The following CCNY variants were observed in gnomAD, a reference collection of about 807,000 sequenced individuals.
CCNY encodes cyclin-Y.
Under a neutral mutation model 42.8 loss-of-function variants are expected in CCNY, and 19 were observed. That is an observed-to-expected ratio of 0.44 (90% CI 0.31 to 0.65). CCNY has a LOEUF of 0.65. Among genes scored for constraint, CCNY ranks in the 30% least tolerant of loss-of-function variants. CCNY has a pLI of 0.07. For synonymous variants in CCNY, 165 were observed against 162.7 expected, an observed-to-expected ratio of 1.01 and a Z score of -0.11; for missense variants, 370 against 437.3, an observed-to-expected ratio of 0.85 and a Z score of 1.37.
intron 1 of CCNY, among the ~76,000 whole-genome samples, chr10:35,337,668 C>G (rs1204028620): frequency 6.6e-6 from 1 of 152,180 alleles, no homozygotes. Flanking sequence ...AGTTGGAGAA[C>G]CATGTTGAGT....
intron 3 of CCNY, among the ~76,000 whole-genome samples, chr10:35,310,974 CAACAA>C (rs59550105): frequency 0.44 from 63,691 of 145,610 alleles, 14,087 homozygotes; most frequent in East Asian, 0.6. Context: ...AACCCTGTCT[CAACAA>C]AACAAAACAA....
intron 1 of CCNY, among the ~76,000 whole-genome samples, chr10:35,433,519 A>C (rs1428702050): frequency 6.6e-6 from 1 of 152,236 alleles, no homozygotes; most frequent in Non-Finnish European, 1.5e-5. Flanking sequence ...CCAAAGTAGA[A>C]AAATTAGATA....
chr10:35,284,585 CTT>C (rs1835333440), intron 3 of CCNY, among the ~76,000 whole-genome samples: 3 of 152,048 alleles, frequency 2.0e-5, no homozygotes, highest in Non-Finnish European at 4.4e-5. Flanking sequence ...CATTTTCGCT[CTT>C]CTTTTTTCGT....
chr10:35,248,585 G>A (rs1310083862), intron 2 of CCNY, among the ~76,000 whole-genome samples: 1 of 152,148 alleles, frequency 6.6e-6, no homozygotes, highest in Non-Finnish European at 1.5e-5. Context: ...GGAGGAGGTT[G>A]CAGTGAGCCA....
At chr10:35,334,041 G>C (rs1465468487), upstream of CCNY, among the ~76,000 whole-genome samples, 1 of 127,540 alleles carries the variant, frequency 7.8e-6, no homozygotes, top group Non-Finnish European at 1.6e-5. Flanking sequence ...GATAGGGAAA[G>C]AGGGGGAGGG....
Position 35,283,785 on chromosome 10 carries a change from A to G in CCNY, c.-9+33159A>G, listed in dbSNP as rs888882581. ...GTACTGCTTCATAACGGTTTTTCTA[A>G]AAAAATAGCTTAATTGGGCCGGGCG... On this transcript the variant is annotated intron_variant, in intron 3 of 11. Coordinates refer to the CCNY transcript ENST00000374706. 5.4e-5 allele frequency among the ~76,000 whole-genome samples: 4 copies of G among 73,978 alleles called. No individual in the cohort carries two copies. The East Asian group carries it at 1.9e-3, about 34-fold the overall frequency. 48.5% of individuals were successfully genotyped at this position (73,978 alleles called of 152,430 possible).
intron 1 of CCNY, 95 bp from the exon 2 acceptor site, chr10:35,483,308 AT>A: frequency 1.3e-6 from 1 of 786,280 alleles, no homozygotes; most frequent in Non-Finnish European, 2.2e-6. Context: ...CCTTGAATGT[AT>A]TAGCAATTTA....
chr10:35,352,827 G>A (rs974193535), intron 1 of CCNY, among the ~76,000 whole-genome samples: 3 of 152,014 alleles, frequency 2.0e-5, no homozygotes, highest in African/African-American at 7.2e-5. Context: ...GTGGTGAAGG[G>A]GGTGGGGCAG....
chr10:35,462,347 T>C (rs1839174515), intron 1 of CCNY, among the ~76,000 whole-genome samples: 1 of 152,154 alleles, frequency 6.6e-6, no homozygotes, highest in South Asian at 2.1e-4. Context: ...GTGTATCCGC[T>C]CCCTTTCTCC....
At chr10:35,515,125 GT>G (rs1243075632) in intron 3 of CCNY, among the ~76,000 whole-genome samples, 3 of 152,182 alleles carry the variant, frequency 2.0e-5, no homozygotes, top group South Asian at 4.1e-4. Flanking sequence ...TTTCACAAGC[GT>G]TCTCTATGCC....
intron 1 of CCNY, among the ~76,000 whole-genome samples, chr10:35,376,171 C>G (rs1837047746): frequency 6.6e-6 from 1 of 152,178 alleles, no homozygotes; most frequent in African/African-American, 2.4e-5. Context: ...GGTCACAGGA[C>G]ACCATGTATA....
chr10:35,260,281 T>G (rs962817182), intron 3 of CCNY, among the ~76,000 whole-genome samples: 1 of 152,198 alleles, frequency 6.6e-6, no homozygotes, highest in African/African-American at 2.4e-5. Flanking sequence ...TCTTGAATCA[T>G]GGGACTTACA....
intron 7 of CCNY, among the ~76,000 whole-genome samples, chr10:35,543,373 C>A (rs1218683760): frequency 6.6e-6 from 1 of 152,166 alleles, no homozygotes; most frequent in African/African-American, 2.4e-5. Flanking sequence ...CACAGTTGAT[C>A]CCCCAGCAAT....
rs1410894169 is a variant in CCNY, at chr10:35,553,196, G to A, written c.746+11G>A. 1 of 1,612,366 alleles carries A rather than the reference G, an allele frequency of 6.2e-7. No homozygotes were observed. Among genetic ancestry groups the A allele is most frequent in the Non-Finnish European group, 8.5e-7 (1 of 1,178,550 alleles). On this transcript the variant is annotated intron_variant, in intron 8 of 9. Transcript: ENST00000374704. Reference sequence around the variant, plus strand: ...CACGGTGGAGGACATGTGAGTTGGGGGGCAGAGGGTGTTGGTCATCAGAGT... The same window carrying A: ...CACGGTGGAGGACATGTGAGTTGGGAGGCAGAGGGTGTTGGTCATCAGAGT...
upstream of CCNY, among the ~76,000 whole-genome samples, chr10:35,334,200 G>A (rs1200765882): frequency 1.3e-5 from 2 of 152,116 alleles, no homozygotes; most frequent in Admixed American, 6.5e-5. Flanking sequence ...AGCCAGCCAT[G>A]CTGTCACCTT....
chr10:35,371,199 G>A (rs555663919), intron 1 of CCNY, among the ~76,000 whole-genome samples: 52 of 152,278 alleles, frequency 3.4e-4, no homozygotes, highest in African/African-American at 1.2e-3. Flanking sequence ...CCCAGTGCTG[G>A]GATACAGAAG....
intron 1 of CCNY, among the ~76,000 whole-genome samples, chr10:35,410,389 A>AT (rs1196265979): frequency 1.3e-5 from 2 of 152,114 alleles, no homozygotes; most frequent in African/African-American, 4.8e-5. Context: ...TTTCTAAGAG[A>AT]TTTTTTTCTT....
At chr10:35,279,798 C>A (rs1372326247) in intron 3 of CCNY, among the ~76,000 whole-genome samples, 2 of 152,174 alleles carry the variant, frequency 1.3e-5, no homozygotes, top group Admixed American at 6.5e-5. Flanking sequence ...CCCTGTGAGG[C>A]CTGCCAGGAA....
chr10:35,521,202 C>T (rs1840538771), intron 4 of CCNY, among the ~76,000 whole-genome samples: 2 of 152,232 alleles, frequency 1.3e-5, no homozygotes, highest in Admixed American at 1.3e-4. Context: ...AGCTGCTGAG[C>T]AAACCCTATA....
Sources: gnomAD v4.1 joint callset for allele counts (sites outside exome capture counted in the v4.1 genomes callset) on GRCh38, gnomAD v4.1.1 for gene constraint, MANE v1.5 for transcripts, NCBI Gene and HGNC (gene_info 2026-07-23, HGNC 2026-07-21) for gene names.